Variants in SLC7A1 observed in about 807,000 individuals in gnomAD.
SLC7A1 encodes the protein high affinity cationic amino acid transporter 1.
A neutral mutation model predicts 53.9 loss-of-function variants in SLC7A1; 10 were observed. The ratio of observed to expected loss-of-function variants is 0.19; its 90% confidence interval spans 0.11 to 0.31. The LOEUF (loss-of-function observed/expected upper bound fraction) is 0.31, where lower values mean the gene tolerates loss of function less well. SLC7A1 is among the 10% of genes least tolerant of loss of function. The pLI is 1.00. For synonymous variants in SLC7A1, 342 were observed against 338.7 expected, an observed-to-expected ratio of 1.01 and a Z score of -0.11; for missense variants, 525 against 827.2, an observed-to-expected ratio of 0.63 and a Z score of 4.48.
At chr13:29,539,850 T>C (rs761605705) in intron 2 of SLC7A1, among the ~76,000 whole-genome samples, 1 of 152,206 alleles carries the variant, frequency 6.6e-6, no homozygotes, top group Non-Finnish European at 1.5e-5. Context: ...CAACTGCTGC[T>C]GAGAAGCCCA....
At chr13:29,574,059 C>G (rs1353680077) in intron 1 of SLC7A1, among the ~76,000 whole-genome samples, 1 of 152,178 alleles carries the variant, frequency 6.6e-6, no homozygotes, top group Non-Finnish European at 1.5e-5. Flanking sequence ...AATGGCCAAT[C>G]GTATTAAATG....
intron 8 of SLC7A1, among the ~76,000 whole-genome samples, chr13:29,521,482 C>T (rs1868627053): frequency 6.6e-6 from 1 of 152,248 alleles, no homozygotes; most frequent in African/African-American, 2.4e-5. Context: ...CTCCACCGCC[C>T]TGGGTGCACA....
intron 1 of SLC7A1, among the ~76,000 whole-genome samples, chr13:29,565,578 G>C (rs1162133473): frequency 6.6e-6 from 1 of 152,162 alleles, no homozygotes; most frequent in Non-Finnish European, 1.5e-5. Context: ...GTCCACACTT[G>C]TACACTCTCC....
chr13:29,576,293 T>TTTTAAAA (rs552407983), intron 1 of SLC7A1, among the ~76,000 whole-genome samples: 1 of 124,954 alleles, frequency 8.0e-6, no homozygotes, highest in African/African-American at 3.7e-5. Context: ...TCCTGTTTTT[T>TTTTAAAA]AAAAAAAAAA....
Position 29,543,512 on chromosome 13 carries a change from CT to C in SLC7A1, c.-14-7311del, listed in dbSNP as rs903694687. Among the ~76,000 whole-genome samples, 50 of 152,328 alleles carry C rather than the reference CT, an allele frequency of 3.3e-4. 1 individual carries two copies. The highest frequency in any genetic ancestry group is 1.1e-3 in the African/African-American group (44 of 41,574). ...GCTTCTGCCTACTGACTCAACAGGG[CT>C]GATGGCAGAAGTTCCCAGGGACCTC... is the stretch of plus-strand genomic sequence containing the variant. On this transcript the variant is annotated intron_variant, in intron 2 of 12. Transcript: ENST00000380752.
In SLC7A1 at chr13:29,517,202, G is replaced by C; in HGVS notation, c.1619C>G (p.Ala540Gly). Reference protein sequence around the residue: ...FLLAGSALLCAVVTGVIWRQP... With the variant: ...FLLAGSALLCGVVTGVIWRQP... ...CCTCCAGATGACGCCCGTGACCACG[G>C]CACAGAGGAGGGCAGACCCTGCGAG... Residue 540 changes from alanine to glycine, a missense_variant, in exon 11 of 13, where the codon GCC becomes GGC. This residue lies in a region of SLC7A1 where 122 missense variants were observed against 140.9 expected (regional missense o/e 0.87). Transcript: ENST00000380752. 6.2e-7 allele frequency: 1 copy of C among 1,613,162 alleles called. No homozygotes were observed. The highest frequency in any genetic ancestry group is 1.1e-5 in the South Asian group (1 of 90,790).
chr13:29,579,033 T>A (rs1871532321), intron 1 of SLC7A1, among the ~76,000 whole-genome samples: 1 of 152,214 alleles, frequency 6.6e-6, no homozygotes, highest in Non-Finnish European at 1.5e-5. Context: ...AAGAAACCTT[T>A]CAGGCAGCAG....
intron 12 of SLC7A1, 146 bp from the exon 13 acceptor site, chr13:29,514,729 G>T: frequency 1.6e-6 from 1 of 617,932 alleles, no homozygotes; most frequent in Non-Finnish European, 2.9e-6. Context: ...CGGCCCCTGT[G>T]ACCTTTCCAC....
At chr13:29,585,001 C>T (rs1871820922) in intron 1 of SLC7A1, among the ~76,000 whole-genome samples, 1 of 152,174 alleles carries the variant, frequency 6.6e-6, no homozygotes, top group Non-Finnish European at 1.5e-5. Context: ...ATGTATGGCC[C>T]ATTTCTAAAA....
At chr13:29,556,340 G>A (rs1444395313) in intron 1 of SLC7A1, among the ~76,000 whole-genome samples, 1 of 151,728 alleles carries the variant, frequency 6.6e-6, no homozygotes, top group Non-Finnish European at 1.5e-5. Context: ...TGTTATTTTA[G>A]GTAAATTAAG....
In SLC7A1 at chr13:29,509,975, T is replaced by C. The variant is rs942681408; in HGVS notation, c.*4505A>G. On this transcript the variant is annotated 3_prime_UTR_variant, in exon 13 of 13. Transcript: ENST00000380752. ...TCAAATGGGAAAATAAGTCCCAAAC[T>C]TAATAGTCTGTCATCAAGAAACACA... 6.6e-6 allele frequency: 1 copy of C among 152,670 alleles called. No individual in the cohort carries two copies. The highest frequency in any genetic ancestry group is 1.5e-5 in the Non-Finnish European group (1 of 68,040). The allele number at this position is 152,670 out of a possible 1,614,324, so 9.5% of individuals were successfully genotyped here.
At chr13:29,530,882 C>CG (rs1343390330) in intron 4 of SLC7A1, among the ~76,000 whole-genome samples, 170 bp from the exon 5 acceptor site, 1 of 152,070 alleles carries the variant, frequency 6.6e-6, no homozygotes, top group African/African-American at 2.4e-5. Flanking sequence ...TTTCTGGGGG[C>CG]GGGGATCAGG....
chr13:29,539,646 C>T (rs1869579461), intron 2 of SLC7A1, among the ~76,000 whole-genome samples: 1 of 152,206 alleles, frequency 6.6e-6, no homozygotes, highest in Non-Finnish European at 1.5e-5. Flanking sequence ...GGGTATAGTT[C>T]TTGGCCTGTT....
intron 1 of SLC7A1, among the ~76,000 whole-genome samples, chr13:29,556,012 C>T (rs1027014574): frequency 2.0e-5 from 3 of 152,158 alleles, no homozygotes; most frequent in Non-Finnish European, 4.4e-5. Flanking sequence ...GCGGAACCCA[C>T]GATTGCCTGT....
intron 2 of SLC7A1, among the ~76,000 whole-genome samples, chr13:29,539,073 A>G (rs917100719): frequency 7.9e-5 from 12 of 152,230 alleles, no homozygotes; most frequent in African/African-American, 2.9e-4. Flanking sequence ...TTTCTTTCCT[A>G]GGCCTCACAG....
intron 1 of SLC7A1, among the ~76,000 whole-genome samples, chr13:29,576,766 C>T (rs906342662): frequency 1.3e-5 from 2 of 152,114 alleles, no homozygotes; most frequent in African/African-American, 4.8e-5. Flanking sequence ...CTGATAAATG[C>T]GCAGCTCTGT....
At chr13:29,557,393 G>A (rs1272860489) in intron 1 of SLC7A1, among the ~76,000 whole-genome samples, 2 of 152,128 alleles carry the variant, frequency 1.3e-5, no homozygotes, top group Non-Finnish European at 2.9e-5. Flanking sequence ...TGTACTTAGA[G>A]TGTACTGACA....
At chr13:29,514,783 T>A (rs1883506757) in intron 12 of SLC7A1, among the ~76,000 whole-genome samples, 200 bp from the exon 13 acceptor site, 1 of 152,214 alleles carries the variant, frequency 6.6e-6, no homozygotes, top group South Asian at 2.1e-4. Flanking sequence ...TGCTTCGACA[T>A]CTGGCAAAGC....
chr13:29,560,247 C>G (rs573727249), intron 1 of SLC7A1, among the ~76,000 whole-genome samples: 1 of 152,030 alleles, frequency 6.6e-6, no homozygotes, highest in Non-Finnish European at 1.5e-5. Flanking sequence ...TCCACCTCTA[C>G]GTCTTGTCCC....
Sources: gnomAD v4.1 joint callset for allele counts (sites outside exome capture counted in the v4.1 genomes callset) on GRCh38, gnomAD v4.1.1 for gene constraint, gnomAD v4.1.1 regional missense constraint, MANE v1.5 for transcripts, NCBI Gene and HGNC (gene_info 2026-07-23, HGNC 2026-07-21) for gene names.